VEGFC: variants seen among roughly 807,000 people sequenced by gnomAD.
VEGFC encodes the protein FLT4 ligand DHM.
In VEGFC, 12 loss-of-function variants were observed where a neutral mutation model predicts 46.1. The observed-to-expected ratio is 0.26, with a 90% CI of 0.17 to 0.42. The LOEUF (loss-of-function observed/expected upper bound fraction) is 0.42. Among genes scored for constraint, VEGFC ranks in the 10% least tolerant of loss-of-function variants. VEGFC has a pLI of 1.00. For missense variants in VEGFC, 488 were observed against 529.4 expected (o/e 0.92, Z 0.77); for synonymous variants, 232 against 195.5 (o/e 1.19, Z -1.56).
chr4:176,750,904 A>T (rs1488842490), intron 1 of VEGFC, among the ~76,000 whole-genome samples: 1 of 151,772 alleles, frequency 6.6e-6, no homozygotes, highest in East Asian at 1.9e-4. Context: ...TCAGTAGCCC[A>T]TGGGTTATAA....
chr4:176,781,940 G>A (rs1271239875), intron 1 of VEGFC, among the ~76,000 whole-genome samples: 1 of 152,182 alleles, frequency 6.6e-6, no homozygotes. Flanking sequence ...GGGAGAAAGT[G>A]CTGCCTGTCT....
intron 1 of VEGFC, among the ~76,000 whole-genome samples, chr4:176,760,845 C>G (rs1735517230): frequency 6.6e-6 from 1 of 152,182 alleles, no homozygotes; most frequent in African/African-American, 2.4e-5. Context: ...ATTGAGGGAG[C>G]TTCAAATGGC....
At chr4:176,701,202 G>A (rs1190535124) in intron 4 of VEGFC, among the ~76,000 whole-genome samples, 1 of 152,184 alleles carries the variant, frequency 6.6e-6, no homozygotes. Flanking sequence ...GAAAGAGGAT[G>A]TTATATGAAA....
intron 1 of VEGFC, among the ~76,000 whole-genome samples, chr4:176,778,321 G>A (rs1229459370): frequency 1.3e-5 from 2 of 152,002 alleles, no homozygotes; most frequent in South Asian, 2.1e-4. Flanking sequence ...ACAGAATTTC[G>A]ATTGCTATTT....
chr4:176,761,690 C>T (rs765822761), intron 1 of VEGFC, among the ~76,000 whole-genome samples: 15 of 152,174 alleles, frequency 9.9e-5, no homozygotes, highest in Admixed American at 2.0e-4. Context: ...CAGCCAGTTT[C>T]CCTACATTAT....
At chr4:176,777,685 G>A (rs1735836973) in intron 1 of VEGFC, among the ~76,000 whole-genome samples, 1 of 152,026 alleles carries the variant, frequency 6.6e-6, no homozygotes, top group Non-Finnish European at 1.5e-5. Flanking sequence ...ACTTTGGGAG[G>A]CCGAGGCAGG....
In VEGFC at chr4:176,688,689, G is replaced by A. The variant is rs187351213; in HGVS notation, c.705-762C>T. 3.3e-3 allele frequency among the ~76,000 whole-genome samples: 496 copies of A among 148,632 alleles called. 4 individuals are homozygous for A. Among genetic ancestry groups the A allele is most frequent in the African/African-American group, 0.012 (480 of 40,682 alleles). On this transcript the variant is annotated intron_variant, in intron 4 of 6. Transcript: ENST00000618562. ...AAAAATTATGAACCTACAGGCTTCA[G>A]TCAAGTACCCTAATTGCTCCTTTGA...
intron 1 of VEGFC, among the ~76,000 whole-genome samples, chr4:176,780,387 A>AAAAAGAAAAAACAAAC (rs1553997796): frequency 1.7e-5 from 2 of 114,760 alleles, no homozygotes; most frequent in East Asian, 5.5e-4. Flanking sequence ...ATCTCAAAAA[A>AAAAAGAAAAAACAAAC]AAAAAAAAAA....
At chr4:176,784,851 C>T (rs1228467210) in intron 1 of VEGFC, among the ~76,000 whole-genome samples, 1 of 150,118 alleles carries the variant, frequency 6.7e-6, no homozygotes, top group Non-Finnish European at 1.5e-5. Context: ...TTAGCATCTA[C>T]TCATTGTGCT....
intron 4 of VEGFC, among the ~76,000 whole-genome samples, chr4:176,703,422 G>T (rs778788453): frequency 2.6e-5 from 4 of 152,008 alleles, no homozygotes; most frequent in Admixed American, 6.6e-5. Context: ...GAGCCAAAAA[G>T]TGAATCTCAC....
chr4:176,748,341 A>C (rs1735290696), intron 1 of VEGFC, among the ~76,000 whole-genome samples: 1 of 152,128 alleles, frequency 6.6e-6, no homozygotes, highest in Non-Finnish European at 1.5e-5. Context: ...GCAGGGTTAT[A>C]CACTATAAAA....
intron 3 of VEGFC, among the ~76,000 whole-genome samples, chr4:176,720,356 A>G (rs1379316333): frequency 6.6e-6 from 1 of 152,198 alleles, no homozygotes; most frequent in Non-Finnish European, 1.5e-5. Flanking sequence ...ACCTTCTGGT[A>G]TCTCCACCTA....
chr4:176,774,319 AATT>A (rs1369763180), intron 1 of VEGFC, among the ~76,000 whole-genome samples: 6 of 152,276 alleles, frequency 3.9e-5, no homozygotes, highest in African/African-American at 1.4e-4. Flanking sequence ...ACCCAGCAAA[AATT>A]ATGAGAATTA....
intron 1 of VEGFC, among the ~76,000 whole-genome samples, chr4:176,765,803 T>A (rs1183001355): frequency 6.6e-6 from 1 of 152,082 alleles, no homozygotes; most frequent in African/African-American, 2.4e-5. Context: ...TCCCCCTGCC[T>A]TGGCCTCCCA....
chr4:176,752,147 G>A (rs1735352849), intron 1 of VEGFC, among the ~76,000 whole-genome samples: 1 of 151,820 alleles, frequency 6.6e-6, no homozygotes, highest in Non-Finnish European at 1.5e-5. Flanking sequence ...TCTTTTCTGT[G>A]ATAAATACTC....
At chr4:176,776,530 C>T (rs1735815737) in intron 1 of VEGFC, among the ~76,000 whole-genome samples, 1 of 152,196 alleles carries the variant, frequency 6.6e-6, no homozygotes. Context: ...AACATATGAT[C>T]AAGTTCACAA....
chr4:176,693,198 A>C (rs1224678569), intron 4 of VEGFC, among the ~76,000 whole-genome samples: 1 of 150,976 alleles, frequency 6.6e-6, no homozygotes, highest in East Asian at 1.9e-4. Flanking sequence ...GAGGACATTC[A>C]AACCAAAGGC....
intron 1 of VEGFC, among the ~76,000 whole-genome samples, chr4:176,734,581 C>CA (rs1304230030): frequency 6.6e-6 from 1 of 151,588 alleles, no homozygotes; most frequent in Non-Finnish European, 1.5e-5. Flanking sequence ...CTTTTGTGGA[C>CA]AATCAATGTC....
intron 1 of VEGFC, among the ~76,000 whole-genome samples, chr4:176,781,523 C>A (rs1735915564): frequency 6.6e-6 from 1 of 152,184 alleles, no homozygotes; most frequent in African/African-American, 2.4e-5. Context: ...TATCTGATAT[C>A]AACTAGCTAC....
Sources: allele counts gnomAD v4.1 joint callset (sites outside exome capture counted in the v4.1 genomes callset), GRCh38; gene constraint gnomAD v4.1.1; transcripts MANE v1.5; gene names NCBI Gene and HGNC (gene_info 2026-07-23, HGNC 2026-07-21).